C1QTNF2: variants seen among roughly 807,000 people sequenced by gnomAD.
C1QTNF2 encodes complement C1q tumor necrosis factor-related protein 2.
In C1QTNF2, 15 loss-of-function variants were observed where a neutral mutation model predicts 17.4. That is an observed-to-expected ratio of 0.86 (90% CI 0.58 to 1.33). The LOEUF (loss-of-function observed/expected upper bound fraction) is 1.33. Ranked by LOEUF, C1QTNF2 falls within the 40% of genes most tolerant of loss-of-function variation. The probability of loss-of-function intolerance (pLI) is 0.00; values close to 1 mark genes in which losing one functional copy is unlikely to be tolerated. For synonymous variants in C1QTNF2, 154 were observed against 163.3 expected, an observed-to-expected ratio of 0.94 and a Z score of 0.44; for missense variants, 381 against 392.3, an observed-to-expected ratio of 0.97 and a Z score of 0.24.
rs142851168 is a variant in C1QTNF2 at position 160,354,814 on chromosome 5, G to A, written c.198C>T (p.Asp66=). 2.3e-4 allele frequency: 374 copies of A among 1,613,590 alleles called. 1 individual carries two copies. In the African/African-American group the frequency reaches 2.8e-3, roughly 12 times the overall value. The change falls in exon 2 of 3, where the codon GAC becomes GAT. Residue 66 remains aspartate (D), a synonymous_variant. Transcript: ENST00000652664. ...GGTCGCCGTCGTGTCCATCTTGGCCGTCTTTGCCAGGAAAGCCCATTCGTC... is the reference window on the plus strand; with the variant it reads ...GGTCGCCGTCGTGTCCATCTTGGCCATCTTTGCCAGGAAAGCCCATTCGTC... ...MMGRMGFPGK[D]GQDGHDGDRG...
At position 160,349,458 on chromosome 5, in the gene C1QTNF2, C is replaced by G; in HGVS notation, c.568G>C (p.Gly190Arg). 6.2e-7 allele frequency: 1 copy of G among 1,614,032 alleles called. No individual in the cohort carries two copies. Among genetic ancestry groups the G allele is most frequent in the Non-Finnish European group, 8.5e-7 (1 of 1,180,020 alleles). Residue 190 changes from glycine to arginine, a missense_variant, in exon 3 of 3, where the codon GGC (glycine) becomes CGC (arginine). Coordinates refer to ENST00000652664, the MANE Select transcript of C1QTNF2 (RefSeq NM_031908.6). The surrounding 1 kb of genome is among the most constrained non-coding windows in gnomAD (Gnocchi z 4.3). Reference sequence around the variant, plus strand: ...GTGAAGTAGTAGATCCCAGGCACGCCGCAGACGAACTTGCCGCTGGAAGCA... The same window carrying G: ...GTGAAGTAGTAGATCCCAGGCACGCGGCAGACGAACTTGCCGCTGGAAGCA... Reference protein sequence around the residue: ...YNASSGKFVCGVPGIYYFTYD... With the variant: ...YNASSGKFVCRVPGIYYFTYD...
At chr5:160,360,225 TA>T (rs2113525116) in intron 1 of C1QTNF2, among the ~76,000 whole-genome samples, 1 of 152,340 alleles carries the variant, frequency 6.6e-6, no homozygotes, top group South Asian at 2.1e-4. Context: ...GTGTCTCCAC[TA>T]AAATGTAAGC....
chr5:160,356,460 T>C (rs1161389722), intron 1 of C1QTNF2, among the ~76,000 whole-genome samples: 1 of 152,240 alleles, frequency 6.6e-6, no homozygotes, highest in Non-Finnish European at 1.5e-5. Flanking sequence ...GGGGTGAAGC[T>C]GGACCATTTG....
intron 1 of C1QTNF2, among the ~76,000 whole-genome samples, chr5:160,355,657 A>G (rs1764034545): frequency 6.6e-6 from 1 of 152,192 alleles, no homozygotes; most frequent in Admixed American, 6.5e-5. Flanking sequence ...GATACAGGAG[A>G]AGAAGCGGAG....
At chr5:160,368,541 G>GAA (rs1240308860) in intron 1 of C1QTNF2, among the ~76,000 whole-genome samples, 4 of 148,060 alleles carry the variant, frequency 2.7e-5, no homozygotes, top group Non-Finnish European at 4.5e-5. Flanking sequence ...CAAAAAAAAA[G>GAA]AAAAAAGAAA....
intron 1 of C1QTNF2, among the ~76,000 whole-genome samples, chr5:160,365,404 G>A (rs746983052): frequency 1.3e-5 from 2 of 152,102 alleles, no homozygotes; most frequent in African/African-American, 4.8e-5. Context: ...ATGGGCGTTC[G>A]GAGTAACCCT....
intron 1 of C1QTNF2, among the ~76,000 whole-genome samples, chr5:160,362,689 C>T (rs948207624): frequency 3.9e-5 from 6 of 152,120 alleles, no homozygotes; most frequent in African/African-American, 1.2e-4. Context: ...TCTCAATAAA[C>T]GTGCGGATGA....
rs1426729512 is a variant in C1QTNF2, at chr5:160,349,555, G to A, written c.471C>T (p.Thr157=). The change falls in exon 3 of 3, where the codon ACC becomes ACT. Residue 157 remains threonine, a synonymous_variant. Coordinates refer to ENST00000652664, the MANE Select transcript of C1QTNF2 (RefSeq NM_031908.6). The surrounding 1 kb of genome is among the most constrained non-coding windows in gnomAD (Gnocchi z 4.3). ...HTKSAFSVAV[T]KSYPRERLPI... Reference sequence around the variant, plus strand: ...GCAGCCGCTCCCGTGGGTAGCTCTTGGTCACTGCCACCGAGAAAGCTGACT... The same window carrying A: ...GCAGCCGCTCCCGTGGGTAGCTCTTAGTCACTGCCACCGAGAAAGCTGACT... 6.2e-7 allele frequency: 1 copy of A among 1,613,086 alleles called. No homozygotes were observed. Among genetic ancestry groups the A allele is most frequent in the East Asian group, 2.2e-5 (1 of 44,802 alleles).
intron 1 of C1QTNF2, among the ~76,000 whole-genome samples, chr5:160,360,845 A>G (rs6880268): frequency 0.017 from 2,487 of 142,630 alleles, 63 homozygotes; most frequent in African/African-American, 0.062. Context: ...GCCAGGCTGG[A>G]GTGCAGTGGC....
rs746380150 is a variant in C1QTNF2, at chr5:160,348,354, C to G, written c.*814G>C. On this transcript the variant is annotated 3_prime_UTR_variant, in exon 3 of 3. Transcript: ENST00000652664. Reference sequence around the variant, plus strand: ...TTCTGATAAGCCTTCGTGAATGGAACGAGCTCTGCCATGGCCTGGGACATT... The same window carrying G: ...TTCTGATAAGCCTTCGTGAATGGAAGGAGCTCTGCCATGGCCTGGGACATT... 5.9e-5 allele frequency: 9 copies of G among 152,240 alleles called. No homozygotes were observed. Among genetic ancestry groups the G allele is most frequent in the Non-Finnish European group, 1.3e-4 (9 of 68,060 alleles). 9.4% of individuals were successfully genotyped at this position (152,240 alleles called of 1,614,324 possible).
In C1QTNF2 at chr5:160,354,889, G is replaced by T. The variant is rs1162066196; in HGVS notation, c.123C>A (p.Pro41=). 1 of 1,605,610 alleles carries T rather than the reference G, an allele frequency of 6.2e-7. No individual in the cohort carries two copies. The stretch of plus-strand genomic sequence containing the variant: ...CTCCTGGGGGGCCGGGTGGGCCCTG[G>T]GGGCCAGGCAGGCTGCAGACCAGTT... ...SPQLVCSLPG[P]QGPPGPPGAP... The change falls in exon 2 of 3, where the codon CCC becomes CCA. Residue 41 remains proline (P), a synonymous_variant. Coordinates refer to ENST00000652664, the MANE Select transcript of C1QTNF2 (RefSeq NM_031908.6).
intron 1 of C1QTNF2, among the ~76,000 whole-genome samples, chr5:160,359,073 G>T (rs1411513023): frequency 6.6e-6 from 1 of 152,154 alleles, no homozygotes; most frequent in Non-Finnish European, 1.5e-5. Flanking sequence ...ACCGCATCCA[G>T]CCTGCTGCAT....
At chr5:160,350,952 G>A (rs948900335) in intron 2 of C1QTNF2, among the ~76,000 whole-genome samples, 6 of 152,052 alleles carry the variant, frequency 3.9e-5, no homozygotes, top group Admixed American at 1.3e-4. Context: ...GGGTTTCACC[G>A]TGTTAGCCAG....
intron 1 of C1QTNF2, among the ~76,000 whole-genome samples, chr5:160,364,058 T>C (rs1364453382): frequency 6.6e-6 from 1 of 152,232 alleles, no homozygotes; most frequent in Non-Finnish European, 1.5e-5. Context: ...CAGGTGAAAT[T>C]AATTTCAATG....
Position 160,349,089 on chromosome 5 carries a change from A to AGCCTACAGTT in C1QTNF2, c.*69_*78dup. ...ACCGCTCACTCGACCCCCCACCCCC[A>AGCCTACAGTT]GCCTACAGTTGTGGGGTCTTGCTCT... is the stretch of plus-strand genomic sequence containing the variant. On this transcript the variant is annotated 3_prime_UTR_variant, in exon 3 of 3. Coordinates refer to ENST00000652664, the MANE Select transcript of C1QTNF2 (RefSeq NM_031908.6). This position sits in a 1 kb window ranked among gnomAD's most constrained non-coding sequence, Gnocchi z 4.3. 3 of 1,511,110 alleles carry AGCCTACAGTT rather than the reference A, an allele frequency of 2.0e-6. No homozygotes were observed. The highest frequency in any genetic ancestry group is 2.4e-4 in the Middle Eastern group (1 of 4,174). 93.6% of individuals were successfully genotyped at this position (1,511,110 alleles called of 1,614,324 possible). A position where few individuals can be genotyped will look rare whatever the true frequency, so the allele number is the denominator to read the frequency against.
At chr5:160,350,966 G>A (rs3923683) in intron 2 of C1QTNF2, among the ~76,000 whole-genome samples, 9,687 of 152,152 alleles carry the variant, frequency 0.064, 385 homozygotes, top group East Asian at 0.17. Flanking sequence ...TAGCCAGGAT[G>A]GTCTTAAACT....
At chr5:160,354,597 A>AATATAT (rs769774870) in intron 2 of C1QTNF2, among the ~76,000 whole-genome samples, 171 bp downstream of exon 2, 26 of 89,266 alleles carry the variant, frequency 2.9e-4, no homozygotes, top group African/African-American at 3.9e-4. Flanking sequence ...AAAAAAAAAA[A>AATATAT]GTATATATAT....
Position 160,349,013 on chromosome 5 carries a change from G to T in C1QTNF2, c.*155C>A. 3.5e-6 allele frequency: 3 copies of T among 869,108 alleles called. No homozygotes were observed. The highest frequency in any genetic ancestry group is 5.2e-6 in the Non-Finnish European group (3 of 574,560). The allele number at this position is 869,108 out of a possible 1,614,324, so 53.8% of individuals were successfully genotyped here. On this transcript the variant is annotated 3_prime_UTR_variant, in exon 3 of 3. Transcript: ENST00000652664. The surrounding 1 kb of genome is among the most constrained non-coding windows in gnomAD (Gnocchi z 4.3). ...ATGGTTGGATGAATAAAAAGGTTTG[G>T]ATTTAATGAAGGGGAAAAAAAGAGG...
Position 160,353,371 on chromosome 5 carries a change from G to T in C1QTNF2, c.244+1397C>A, listed in dbSNP as rs377447268. The stretch of plus-strand genomic sequence containing the variant: ...ATGTCACAACGGAAAGGTCTGTAGA[G>T]TATATCCATTCTGCTCGCCGTCTGC... On this transcript the variant is annotated intron_variant, in intron 2 of 2. Coordinates refer to ENST00000652664, the MANE Select transcript of C1QTNF2 (RefSeq NM_031908.6). Among the ~76,000 whole-genome samples, 3 of 152,200 alleles carry T rather than the reference G, an allele frequency of 2.0e-5. No homozygotes were observed. The East Asian group carries it at 5.8e-4, about 29-fold the overall frequency.
Sources: allele counts gnomAD v4.1 joint callset (sites outside exome capture counted in the v4.1 genomes callset), GRCh38; gene constraint gnomAD v4.1.1; non-coding constraint Gnocchi (gnomAD v3.1); transcripts MANE v1.5; gene names NCBI Gene and HGNC (gene_info 2026-07-23, HGNC 2026-07-21).